Variants in GMDS observed in about 807,000 individuals in gnomAD.
GMDS encodes GDP-mannose 4,6-dehydratase.
Under a neutral mutation model 49.9 loss-of-function variants are expected in GMDS, and 20 were observed. That is an observed-to-expected ratio of 0.40 (90% confidence interval 0.28 to 0.58). The LOEUF (loss-of-function observed/expected upper bound fraction) is 0.58, where lower values mean the gene tolerates loss of function less well. Ranked by LOEUF, GMDS falls within the 20% of genes least tolerant of loss-of-function variation. The pLI is 0.42. For synonymous variants in GMDS, 177 were observed against 178.6 expected (o/e 0.99, Z 0.07); for missense variants, 362 against 481.4 (o/e 0.75, Z 2.32).
At chr6:2,211,702 C>G in intron 1 of GMDS, among the ~76,000 whole-genome samples, 1 of 152,182 alleles carries the variant, frequency 6.6e-6, no homozygotes, top group South Asian at 2.1e-4. Flanking sequence ...GGAAAAAATA[C>G]GTATTTCATG....
chr6:1,758,641 G>A (rs551601263), intron 7 of GMDS, among the ~76,000 whole-genome samples: 38 of 152,338 alleles, frequency 2.5e-4, no homozygotes, highest in African/African-American at 3.4e-4. Context: ...AGGCCTGGGT[G>A]GAGCTGGAGA....
chr6:1,957,145 T>C (rs1763684691), intron 6 of GMDS, among the ~76,000 whole-genome samples: 1 of 152,198 alleles, frequency 6.6e-6, no homozygotes, highest in African/African-American at 2.4e-5. Context: ...ATCAACAATA[T>C]GTATATATTT....
chr6:1,716,002 C>A (rs1766163066), intron 9 of GMDS, among the ~76,000 whole-genome samples: 1 of 152,208 alleles, frequency 6.6e-6, no homozygotes, highest in Middle Eastern at 3.4e-3. Context: ...GACCTCTTTT[C>A]AAAAAATAAT....
At chr6:2,148,859 T>C (rs896326812) in intron 1 of GMDS, among the ~76,000 whole-genome samples, 7 of 152,184 alleles carry the variant, frequency 4.6e-5, no homozygotes, top group Admixed American at 1.3e-4. Context: ...GGAGCACCAT[T>C]CACGGACATG....
At chr6:2,112,513 C>T (rs1397208915) in intron 4 of GMDS, among the ~76,000 whole-genome samples, 1 of 152,124 alleles carries the variant, frequency 6.6e-6, no homozygotes, top group Non-Finnish European at 1.5e-5. Flanking sequence ...GAAGACCCCA[C>T]CCTAGACCTA....
chr6:1,648,613 A>C (rs906116568), intron 9 of GMDS, among the ~76,000 whole-genome samples: 2 of 152,262 alleles, frequency 1.3e-5, no homozygotes, highest in Non-Finnish European at 2.9e-5. Context: ...GCACACAAAA[A>C]AGCATGGCTC....
At chr6:1,860,721 A>G (rs549854949) in intron 7 of GMDS, among the ~76,000 whole-genome samples, 93 of 152,344 alleles carry the variant, frequency 6.1e-4, no homozygotes, top group African/African-American at 2.1e-3. Flanking sequence ...GTCAACCGTG[A>G]AGAAGAGAAC....
At chr6:2,094,169 A>AGTG (rs1414344532) in intron 4 of GMDS, among the ~76,000 whole-genome samples, 1 of 152,338 alleles carries the variant, frequency 6.6e-6, no homozygotes, top group East Asian at 1.9e-4. Context: ...TGTGCACTAC[A>AGTG]TGTGACAGTG....
At chr6:2,131,945 A>G (rs1187594022) in intron 1 of GMDS, among the ~76,000 whole-genome samples, 2 of 152,262 alleles carry the variant, frequency 1.3e-5, no homozygotes. Context: ...TATCACTACA[A>G]ATGATGACAG....
chr6:1,710,636 T>G (rs561077310), intron 9 of GMDS, among the ~76,000 whole-genome samples: 1 of 152,156 alleles, frequency 6.6e-6, no homozygotes, highest in South Asian at 2.1e-4. Context: ...TCTCCGAGGA[T>G]GGGGTCAGGG....
rs149474430 is a variant in GMDS at position 1,884,136 on chromosome 6, A to G, written c.771+45967T>C. Among the ~76,000 whole-genome samples the G allele has an allele frequency of 4.9e-3, 750 of 152,328 alleles. 1 individual carries two copies. Among genetic ancestry groups the G allele is most frequent in the Non-Finnish European group, 8.5e-3 (575 of 68,028 alleles). ...AAATAGTCATTTCCTTTCTCCCCATATATCTTACTTTTCTACCAAATGGTC... is the reference window on the plus strand; with the variant it reads ...AAATAGTCATTTCCTTTCTCCCCATGTATCTTACTTTTCTACCAAATGGTC... On this transcript the variant is annotated intron_variant, in intron 7 of 10. Transcript: ENST00000380815.
At chr6:1,656,915 C>G (rs141740577) in intron 9 of GMDS, among the ~76,000 whole-genome samples, 1 of 152,108 alleles carries the variant, frequency 6.6e-6, no homozygotes, top group Admixed American at 6.5e-5. Flanking sequence ...CCCCAGGAGG[C>G]AATCTTTACC....
chr6:2,185,126 T>C (rs1463100108), intron 1 of GMDS, among the ~76,000 whole-genome samples: 1 of 152,232 alleles, frequency 6.6e-6, no homozygotes, highest in African/African-American at 2.4e-5. Flanking sequence ...TCCACGGTTT[T>C]TCCTGAGTTC....
chr6:1,968,438 T>G (rs1764386221), intron 4 of GMDS, among the ~76,000 whole-genome samples: 1 of 152,172 alleles, frequency 6.6e-6, no homozygotes. Flanking sequence ...ACATTCCAGC[T>G]CCTGAAGCCA....
intron 1 of GMDS, among the ~76,000 whole-genome samples, chr6:2,203,795 G>T (rs1360434115): frequency 6.6e-6 from 1 of 152,182 alleles, no homozygotes; most frequent in African/African-American, 2.4e-5. Flanking sequence ...GCTGTAGGCT[G>T]GGAGGAAGGC....
chr6:1,845,638 AT>A (rs1318105972), intron 7 of GMDS, among the ~76,000 whole-genome samples: 2 of 151,964 alleles, frequency 1.3e-5, no homozygotes, highest in Non-Finnish European at 2.9e-5. Context: ...GTGGAAGACA[AT>A]TTTTCCACGG....
intron 4 of GMDS, among the ~76,000 whole-genome samples, chr6:2,069,248 C>T (rs1231204616): frequency 6.6e-6 from 1 of 152,116 alleles, no homozygotes; most frequent in African/African-American, 2.4e-5. Flanking sequence ...CTTCCTTACA[C>T]CTTATACAAA....
At chr6:1,971,176 ATAGTTTGTTCAGT>A (rs1561935094) in intron 4 of GMDS, among the ~76,000 whole-genome samples, 2 of 152,122 alleles carry the variant, frequency 1.3e-5, no homozygotes, top group African/African-American at 4.8e-5. Flanking sequence ...ATGCCAGTCT[ATAGTTTGTTCAGT>A]GGGCACTGGG....
intron 6 of GMDS, among the ~76,000 whole-genome samples, chr6:1,950,944 T>A (rs1022288201): frequency 1.3e-5 from 2 of 152,106 alleles, no homozygotes. Flanking sequence ...CACTGTAGGA[T>A]GTTCAGCAGC....
Sources: gnomAD v4.1 joint callset for allele counts (sites outside exome capture counted in the v4.1 genomes callset) on GRCh38, gnomAD v4.1.1 for gene constraint, MANE v1.5 for transcripts, NCBI Gene and HGNC (gene_info 2026-07-23, HGNC 2026-07-21) for gene names.